The following ZFAND2A variants were observed in gnomAD, a reference collection of about 807,000 sequenced individuals.
ZFAND2A encodes the protein AN1-type zinc finger protein 2A.
In ZFAND2A, 20 loss-of-function variants were observed where a neutral mutation model predicts 11.6. That is an observed-to-expected ratio of 1.72 (90% CI 1.21 to 2.50). The LOEUF (loss-of-function observed/expected upper bound fraction) is 2.50, where lower values mean the gene tolerates loss of function less well. Ranked by LOEUF, ZFAND2A falls within the 30% of genes most tolerant of loss-of-function variation. The pLI, the probability that ZFAND2A is intolerant of heterozygous loss-of-function variation, is 0.00. For missense variants in ZFAND2A, 234 were observed against 182.9 expected, an observed-to-expected ratio of 1.28 and a Z score of -1.61; for synonymous variants, 93 against 60.6, an observed-to-expected ratio of 1.54 and a Z score of -2.48.
chr7:1,151,592 C>T (rs1793398425), downstream of ZFAND2A, among the ~76,000 whole-genome samples: 1 of 151,892 alleles, frequency 6.6e-6, no homozygotes, highest in African/African-American at 2.4e-5. Context: ...TAACCATCTT[C>T]ACTAAAATAT....
chr7:1,152,045 A>ATGC, downstream of ZFAND2A: 1 of 523,602 alleles, frequency 1.9e-6, no homozygotes, highest in Non-Finnish European at 3.2e-6. Flanking sequence ...CAGCTGTATG[A>ATGC]TGCTGCTGCT....
Position 1,155,470 on chromosome 7 carries a change from C to G in ZFAND2A, c.265G>C (p.Gly89Arg). Residue 89 changes from glycine (G) to arginine (R), a missense_variant, in exon 4 of 5, where the codon GGG becomes CGG. Gly to Arg is a moderately radical substitution (Grantham distance 125). Transcript: ENST00000316495. ...GTCCTTACCTTCTCTTTCTTCTTCC[C>G]AGGGTGAGAGTCACAGTCTCTGTCA... ...HIDRDCDSHP[G>R]KKKEKIFTYR... 1 of 1,613,696 alleles carries G rather than the reference C, an allele frequency of 6.2e-7. No individual in the cohort carries two copies. Among genetic ancestry groups the G allele is most frequent in the Non-Finnish European group, 8.5e-7 (1 of 1,179,784 alleles).
At chr7:1,157,866 T>C (rs1333035770) in intron 2 of ZFAND2A, 116 bp from the exon 3 acceptor site, 1 of 803,876 alleles carries the variant, frequency 1.2e-6, no homozygotes, top group East Asian at 2.6e-5. Flanking sequence ...GGACAGGTCC[T>C]CGAGGGCCAC....
intron 3 of ZFAND2A, chr7:1,156,931 A>G (rs1793540079): frequency 6.6e-6 from 1 of 152,238 alleles, no homozygotes; most frequent in Admixed American, 6.5e-5. Flanking sequence ...CACCCTCCCC[A>G]CCCACCGTGA....
chr7:1,148,938 G>C (rs541911405), downstream of ZFAND2A, among the ~76,000 whole-genome samples: 1 of 147,762 alleles, frequency 6.8e-6, no homozygotes, highest in South Asian at 2.1e-4. Context: ...GAGTAACTGG[G>C]ACCACATGCA....
At chr7:1,158,806 G>A (rs1301091110) in intron 1 of ZFAND2A, among the ~76,000 whole-genome samples, 3 of 152,206 alleles carry the variant, frequency 2.0e-5, no homozygotes, top group Non-Finnish European at 2.9e-5. Context: ...CAGGCAGACA[G>A]CTGGTGAAAC....
intron 4 of ZFAND2A, among the ~76,000 whole-genome samples, chr7:1,154,072 C>T (rs74985025): frequency 0.021 from 3,179 of 152,100 alleles, 51 homozygotes; most frequent in African/African-American, 0.031. Flanking sequence ...GGAAGGAGGC[C>T]AAGCACAGAT....
Position 1,152,981 on chromosome 7 carries a change from G to C in ZFAND2A, c.*88C>G, listed in dbSNP as rs1209048500. On this transcript the variant is annotated 3_prime_UTR_variant, in exon 5 of 5. Transcript: ENST00000316495. ...AGATCAGCAGCCAGTGTGGGATGGT[G>C]CTCAATGGGGCTCCACTTCCCACTA... The C allele has an allele frequency of 6.5e-7, 1 of 1,541,966 alleles. No homozygotes were observed. The highest frequency in any genetic ancestry group is 1.4e-5 in the African/African-American group (1 of 73,172).
chr7:1,150,653 C>A (rs75790758), downstream of ZFAND2A, among the ~76,000 whole-genome samples: 1 of 152,186 alleles, frequency 6.6e-6, no homozygotes, highest in Non-Finnish European at 1.5e-5. Flanking sequence ...CCTTCCCTCC[C>A]GTTTTGGCTT....
downstream of ZFAND2A, among the ~76,000 whole-genome samples, chr7:1,151,762 T>TAAAAAAAAAAAAAAAAA (rs530920394): frequency 1.9e-3 from 169 of 87,122 alleles, 11 homozygotes; most frequent in Middle Eastern, 0.013. Flanking sequence ...TCATCCCTTT[T>TAAAAAAAAAAAAAAAAA]AAAAAAAAAA....
At chr7:1,156,871 G>A (rs973418703) in intron 3 of ZFAND2A, among the ~76,000 whole-genome samples, 1 of 146,984 alleles carries the variant, frequency 6.8e-6, no homozygotes. Flanking sequence ...AAGACAAGCT[G>A]GGCAGTCTGG....
downstream of ZFAND2A, chr7:1,152,021 G>C: frequency 2.2e-6 from 1 of 447,804 alleles, no homozygotes. Flanking sequence ...GGGCAGAAAA[G>C]GTGTTTCAGA....
Position 1,153,208 on chromosome 7 carries a change from C to G in ZFAND2A, c.299G>C (p.Cys100Ser), listed in dbSNP as rs138706961. ...TTTCTTCTTGCAGCCCTCTTTTGAG[C>G]AACGGTATGTAAAAATCTAAGAGAG... Reference protein sequence around the residue: ...KKKEKIFTYRCSKEGCKKKEM... With the variant: ...KKKEKIFTYRSSKEGCKKKEM... The change falls in exon 5 of 5, where the codon TGC (cysteine) becomes TCC (serine). Residue 100 changes from cysteine (C) to serine (S), a missense_variant. Transcript: ENST00000316495. The G allele has an allele frequency of 2.8e-4, 457 of 1,613,194 alleles. 3 individuals carry two copies. The highest frequency in any genetic ancestry group is 3.6e-4 in the Non-Finnish European group (426 of 1,179,310).
intron 4 of ZFAND2A, 123 bp downstream of exon 4, chr7:1,155,328 TTA>T: frequency 7.2e-7 from 1 of 1,390,734 alleles, no homozygotes; most frequent in Non-Finnish European, 9.7e-7. Flanking sequence ...TAACGCAGCG[TTA>T]GGACTCTTCT....
chr7:1,154,623 C>A (rs1262642508), intron 4 of ZFAND2A, among the ~76,000 whole-genome samples: 3 of 152,162 alleles, frequency 2.0e-5, no homozygotes, highest in South Asian at 2.1e-4. Flanking sequence ...AAAGTGGGGA[C>A]CAGAGCAAGC....
downstream of ZFAND2A, among the ~76,000 whole-genome samples, chr7:1,150,638 AC>A (rs1221484954): frequency 1.3e-5 from 2 of 151,274 alleles, no homozygotes; most frequent in Non-Finnish European, 2.9e-5. Context: ...GCACCTCACT[AC>A]CCCCCTTCCC....
intron 4 of ZFAND2A, among the ~76,000 whole-genome samples, 180 bp downstream of exon 4, chr7:1,155,273 T>C (rs558736710): frequency 6.6e-6 from 1 of 152,214 alleles, no homozygotes; most frequent in East Asian, 1.9e-4. Context: ...TTAAAGAACA[T>C]TTATAAAACT....
rs763629541 is a variant in ZFAND2A, at chr7:1,153,039, TG to T, written c.*29del. ...AGCTGCTTCCACGCATGCTACTGCGTGCTCCGAGCCATCGCAGCGGAGTCTC... is the reference window on the plus strand; with the variant it reads ...AGCTGCTTCCACGCATGCTACTGCGTCTCCGAGCCATCGCAGCGGAGTCTC... On this transcript the variant is annotated 3_prime_UTR_variant, in exon 5 of 5. Transcript: ENST00000316495. The T allele has an allele frequency of 6.2e-7, 1 of 1,613,972 alleles. No individual in the cohort carries two copies. The highest frequency in any genetic ancestry group is 8.5e-7 in the Non-Finnish European group (1 of 1,179,928).
At chr7:1,152,290 C>A (rs1002893129), downstream of ZFAND2A, 13 of 1,585,710 alleles carry the variant, frequency 8.2e-6, no homozygotes, top group Non-Finnish European at 1.0e-5. Flanking sequence ...CGCCAGGAGC[C>A]AGGGTGAGGA....
Sources: gnomAD v4.1 joint callset for allele counts (sites outside exome capture counted in the v4.1 genomes callset) on GRCh38, gnomAD v4.1.1 for gene constraint, MANE v1.5 for transcripts, NCBI Gene and HGNC (gene_info 2026-07-23, HGNC 2026-07-21) for gene names.